The following SORCS2 variants were observed in gnomAD, a reference collection of about 807,000 sequenced individuals.
SORCS2 encodes sortilin related VPS10 domain containing receptor 2, also known as VPS10 domain-containing receptor SorCS2.
A neutral mutation model predicts 141.6 loss-of-function variants in SORCS2; 100 were observed. The observed-to-expected ratio is 0.71, with a 90% CI of 0.60 to 0.83. The LOEUF is 0.83. SORCS2 is among the 40% of genes least tolerant of loss of function. SORCS2 has a pLI of 0.00. For missense variants in SORCS2, 1,646 were observed against 1,560.2 expected (o/e 1.05, Z -0.93); for synonymous variants, 789 against 676.9 (o/e 1.17, Z -2.57).
rs559803635 is a variant in SORCS2, at chr4:7,741,007, G to A, written c.*743G>A. 46 of 398,694 alleles carry A rather than the reference G, an allele frequency of 1.2e-4. No homozygotes were observed. Among genetic ancestry groups the A allele is most frequent in the African/African-American group, 9.0e-4 (44 of 48,724 alleles). 24.7% of individuals were successfully genotyped at this position (398,694 alleles called of 1,614,324 possible). ...TCCCTGGTTCTCCCCAGGGCAGACG[G>A]GGTAGGGCGGGCTCAGGACCCAGTG... On this transcript the variant is annotated 3_prime_UTR_variant, in exon 27 of 27. Transcript: ENST00000507866.
intron 2 of SORCS2, among the ~76,000 whole-genome samples, chr4:7,405,596 G>T (rs1195925706): frequency 1.3e-5 from 2 of 151,762 alleles, no homozygotes; most frequent in African/African-American, 4.8e-5. Flanking sequence ...GTATTTTTCT[G>T]GTAGCTATTT....
intron 11 of SORCS2, among the ~76,000 whole-genome samples, chr4:7,693,408 C>T (rs1276775216): frequency 1.3e-5 from 2 of 152,310 alleles, no homozygotes; most frequent in South Asian, 2.1e-4. Context: ...GGCAGGTCCT[C>T]GGGTTCCTGC....
In SORCS2 at chr4:7,462,646, A is replaced by T. The variant is rs926773463; in HGVS notation, c.548+66291A>T. On this transcript the variant is annotated intron_variant, in intron 2 of 26. Coordinates refer to ENST00000507866, the MANE Select transcript of SORCS2 (RefSeq NM_020777.3). ...GCTGTCAGAGTGACCTTTTCCAGGG[A>T]TGGAGCCTCTTGTTCATCCTGGCGA... is the stretch of plus-strand genomic sequence containing the variant. 1.3e-5 allele frequency among the ~76,000 whole-genome samples: 2 copies of T among 151,760 alleles called. 1 individual carries two copies. Among genetic ancestry groups the T allele is most frequent in the South Asian group, 4.2e-4 (2 of 4,730 alleles).
intron 1 of SORCS2, among the ~76,000 whole-genome samples, chr4:7,212,368 G>A (rs1728107326): frequency 6.6e-6 from 1 of 152,226 alleles, no homozygotes; most frequent in African/African-American, 2.4e-5. Flanking sequence ...ACAAAAGGAT[G>A]TGTTAAGCAG....
intron 3 of SORCS2, among the ~76,000 whole-genome samples, chr4:7,566,675 G>T (rs1283174823): frequency 1.2e-4 from 18 of 152,268 alleles, no homozygotes; most frequent in Non-Finnish European, 1.5e-4. Flanking sequence ...GAGACACTCT[G>T]GTTCTGAGCT....
chr4:7,478,898 G>A (rs994486718), intron 2 of SORCS2, among the ~76,000 whole-genome samples: 2 of 152,150 alleles, frequency 1.3e-5, no homozygotes, highest in African/African-American at 2.4e-5. Context: ...AGGGGGCCTC[G>A]GCCAAGTCAC....
chr4:7,385,479 G>C (rs1188500622), intron 1 of SORCS2, among the ~76,000 whole-genome samples: 1 of 152,326 alleles, frequency 6.6e-6, no homozygotes, highest in East Asian at 1.9e-4. Flanking sequence ...GAGAGCTTCC[G>C]AGCCTGTTGT....
At chr4:7,590,761 G>A (rs914748592) in intron 3 of SORCS2, among the ~76,000 whole-genome samples, 3 of 152,150 alleles carry the variant, frequency 2.0e-5, no homozygotes, top group East Asian at 1.9e-4. Flanking sequence ...CCACTGCGCC[G>A]GCTACTGCTG....
chr4:7,274,274 G>A (rs1312338721), intron 1 of SORCS2, among the ~76,000 whole-genome samples: 2 of 152,258 alleles, frequency 1.3e-5, no homozygotes, highest in Admixed American at 1.3e-4. Context: ...GTTTGGAATT[G>A]TTGGAAGAGG....
intron 19 of SORCS2, among the ~76,000 whole-genome samples, chr4:7,724,136 GTGGTGATGGTCGTGGTGGTGGTGGTGA>G (rs1726813951): frequency 7.8e-6 from 1 of 127,688 alleles, no homozygotes; most frequent in Non-Finnish European, 1.7e-5. Flanking sequence ...GGTGGTGGTG[GTGGTGATGGTCGTGGTGGTGGTGGTGA>G]TGGTGGTGAT....
intron 1 of SORCS2, among the ~76,000 whole-genome samples, chr4:7,364,682 C>G (rs1217332409): frequency 2.6e-5 from 4 of 152,204 alleles, no homozygotes; most frequent in Non-Finnish European, 2.9e-5. Context: ...CTAACATTGG[C>G]TTGAGCACTT....
intron 2 of SORCS2, among the ~76,000 whole-genome samples, chr4:7,403,997 A>ATATATATATATT (rs1265288820): frequency 1.2e-3 from 22 of 18,932 alleles, no homozygotes; most frequent in Non-Finnish European, 2.0e-3. Flanking sequence ...ATATATATAT[A>ATATATATATATT]TTTTTTTTTT....
intron 2 of SORCS2, among the ~76,000 whole-genome samples, chr4:7,499,267 C>T (rs989950631): frequency 6.6e-6 from 1 of 152,194 alleles, no homozygotes; most frequent in Non-Finnish European, 1.5e-5. Context: ...TGGGGCAGGT[C>T]GGGGGACAGT....
intron 13 of SORCS2, 124 bp downstream of exon 13, chr4:7,703,495 C>G (rs1725214846): frequency 1.4e-6 from 1 of 733,580 alleles, no homozygotes; most frequent in African/African-American, 1.8e-5. Context: ...CACAGAGCAA[C>G]TGCACTAAAT....
intron 11 of SORCS2, among the ~76,000 whole-genome samples, chr4:7,694,739 G>A (rs1243247050): frequency 6.6e-6 from 1 of 152,134 alleles, no homozygotes; most frequent in Non-Finnish European, 1.5e-5. Context: ...AGCACCTTTT[G>A]TTTGCCAGGC....
intron 1 of SORCS2, among the ~76,000 whole-genome samples, chr4:7,391,602 C>T (rs1026983287): frequency 1.3e-5 from 2 of 152,096 alleles, no homozygotes; most frequent in Non-Finnish European, 1.5e-5. Flanking sequence ...GGAAGGGTAC[C>T]CTCAGTCCCT....
At chr4:7,361,846 C>A (rs955129353) in intron 1 of SORCS2, among the ~76,000 whole-genome samples, 1 of 139,788 alleles carries the variant, frequency 7.2e-6, no homozygotes, top group Non-Finnish European at 1.5e-5. Flanking sequence ...TCCAGGTGCT[C>A]AGAGAAGCTT....
chr4:7,713,207 G>A (rs952391492), intron 15 of SORCS2, among the ~76,000 whole-genome samples: 3 of 152,156 alleles, frequency 2.0e-5, no homozygotes, highest in Non-Finnish European at 4.4e-5. Flanking sequence ...TGGGGTCTGG[G>A]TGTGGAGTGG....
At chr4:7,675,820 C>T (rs1723067252) in intron 8 of SORCS2, among the ~76,000 whole-genome samples, 1 of 152,178 alleles carries the variant, frequency 6.6e-6, no homozygotes, top group Admixed American at 6.5e-5. Flanking sequence ...TAGAGCATCC[C>T]AACGCCATCC....
Sources: allele counts gnomAD v4.1 joint callset (sites outside exome capture counted in the v4.1 genomes callset), GRCh38; gene constraint gnomAD v4.1.1; transcripts MANE v1.5; gene names NCBI Gene and HGNC (gene_info 2026-07-23, HGNC 2026-07-21).